Variants in RGS6 observed in about 807,000 individuals in gnomAD.
RGS6 encodes the protein regulator of G-protein signaling 6.
A neutral mutation model predicts 78.5 loss-of-function variants in RGS6; 30 were observed. The ratio of observed to expected loss-of-function variants is 0.38; its 90% CI spans 0.29 to 0.52. The LOEUF (loss-of-function observed/expected upper bound fraction) is 0.52, where lower values mean the gene tolerates loss of function less well. Among genes scored for constraint, RGS6 ranks in the 20% least tolerant of loss-of-function variants. RGS6 has a pLI of 0.85. For synonymous variants in RGS6, 206 were observed against 206.0 expected (o/e 1.00, Z 0.00); for missense variants, 495 against 609.7 (o/e 0.81, Z 1.98).
At chr14:72,254,415 T>C (rs1435860539) in intron 2 of RGS6, among the ~76,000 whole-genome samples, 3 of 152,136 alleles carry the variant, frequency 2.0e-5, no homozygotes, top group Admixed American at 2.0e-4. Context: ...CTCAGACCTG[T>C]AGCTTCCTTT....
the RGS6 span, among the ~76,000 whole-genome samples, chr14:72,591,367 G>A: frequency 4.6e-5 from 7 of 152,114 alleles, no homozygotes; most frequent in African/African-American, 1.7e-4. Flanking sequence ...TTATCCCAGA[G>A]GTGGAATTAT....
chr14:72,427,604 G>A (rs2094480202), intron 3 of RGS6, among the ~76,000 whole-genome samples: 1 of 152,196 alleles, frequency 6.6e-6, no homozygotes, highest in South Asian at 2.1e-4. Context: ...TTAGGTGGCA[G>A]GGATGGAGGA....
chr14:72,034,338 T>C (rs2091363064), intron 2 of RGS6, among the ~76,000 whole-genome samples: 2 of 152,102 alleles, frequency 1.3e-5, no homozygotes, highest in African/African-American at 4.8e-5. Flanking sequence ...CTTGAGGTAA[T>C]TTCTTTCTAT....
At chr14:72,238,910 G>C (rs1391571763) in intron 2 of RGS6, among the ~76,000 whole-genome samples, 2 of 152,188 alleles carry the variant, frequency 1.3e-5, no homozygotes, top group African/African-American at 4.8e-5. Context: ...AGGCAGCCCG[G>C]TTGTTACCAG....
intron 1 of RGS6, among the ~76,000 whole-genome samples, chr14:71,934,619 AATT>A (rs1250881855): frequency 6.6e-6 from 1 of 152,194 alleles, no homozygotes; most frequent in African/African-American, 2.4e-5. Context: ...AGTCCATTTT[AATT>A]ATTTATTTAT....
At chr14:71,979,574 T>C (rs2153111147) in intron 2 of RGS6, among the ~76,000 whole-genome samples, 1 of 152,250 alleles carries the variant, frequency 6.6e-6, no homozygotes, top group South Asian at 2.1e-4. Context: ...TTGAGTGGAT[T>C]TGAGTGAGAT....
At chr14:71,878,464 G>T in the RGS6 span, among the ~76,000 whole-genome samples, 4 of 152,158 alleles carry the variant, frequency 2.6e-5, no homozygotes, top group African/African-American at 4.8e-5. Flanking sequence ...AGGCTCCATG[G>T]GCGTGGGACC....
intron 5 of RGS6, among the ~76,000 whole-genome samples, chr14:72,459,359 G>C (rs536399292): frequency 6.6e-6 from 1 of 152,330 alleles, no homozygotes; most frequent in South Asian, 2.1e-4. Flanking sequence ...TTTGTACTTA[G>C]ACCTCTATTG....
intron 2 of RGS6, among the ~76,000 whole-genome samples, chr14:72,199,530 A>G (rs114152079): frequency 7.0e-4 from 106 of 152,302 alleles, no homozygotes; most frequent in African/African-American, 2.5e-3. Flanking sequence ...TAGCACTTGC[A>G]TTTAAGTTAT....
At chr14:72,580,691 C>T in the RGS6 span, among the ~76,000 whole-genome samples, 1 of 152,222 alleles carries the variant, frequency 6.6e-6, no homozygotes, top group African/African-American at 2.4e-5. Flanking sequence ...TTTGAAATTG[C>T]TTTTCAGAGA....
chr14:72,489,397 T>G (rs2096546354), intron 12 of RGS6, among the ~76,000 whole-genome samples: 1 of 152,200 alleles, frequency 6.6e-6, no homozygotes, highest in Admixed American at 6.5e-5. Flanking sequence ...TCCAGCTTGC[T>G]CTCTCACATT....
At chr14:72,218,238 AT>A (rs991053243) in intron 2 of RGS6, among the ~76,000 whole-genome samples, 3 of 152,124 alleles carry the variant, frequency 2.0e-5, no homozygotes, top group Non-Finnish European at 4.4e-5. Context: ...TTCATTTTAA[AT>A]TCTATTAGTA....
intron 2 of RGS6, among the ~76,000 whole-genome samples, chr14:72,321,235 A>G (rs2071914390): frequency 3.3e-5 from 5 of 151,980 alleles, no homozygotes; most frequent in Admixed American, 3.3e-4. Flanking sequence ...ACCATAATAC[A>G]AACCTGCCCA....
chr14:72,459,270 G>C (rs111686579), intron 5 of RGS6, among the ~76,000 whole-genome samples: 6 of 152,204 alleles, frequency 3.9e-5, no homozygotes, highest in African/African-American at 1.4e-4. Flanking sequence ...AAGGGTGTGG[G>C]AGAAGAGTTC....
At chr14:72,336,226 T>C (rs1303027402) in intron 2 of RGS6, among the ~76,000 whole-genome samples, 2 of 152,240 alleles carry the variant, frequency 1.3e-5, no homozygotes, top group Admixed American at 1.3e-4. Context: ...CCTTACTTTA[T>C]GTCATCTTAA....
At chr14:72,613,266 C>T in the RGS6 span, among the ~76,000 whole-genome samples, 1 of 152,170 alleles carries the variant, frequency 6.6e-6, no homozygotes, top group Non-Finnish European at 1.5e-5. Flanking sequence ...ACCTGCCCTC[C>T]CGTCCCCACC....
In RGS6 at chr14:72,562,076, T is replaced by C. The variant is rs116184243; in HGVS notation, c.1423-341T>C. 5.0e-3 allele frequency among the ~76,000 whole-genome samples: 763 copies of C among 152,280 alleles called. 6 individuals are homozygous for C. Among genetic ancestry groups the C allele is most frequent in the African/African-American group, 0.017 (708 of 41,544 alleles). ...CTCCCCCACGTGAACAAAATCAATT[T>C]CAGGGCAGCCCGCCGGCATTAAAAA... On this transcript the variant is annotated intron_variant, in intron 17 of 17. Transcript: ENST00000553525.
the RGS6 span, among the ~76,000 whole-genome samples, chr14:72,597,702 A>T: frequency 6.6e-6 from 1 of 152,284 alleles, no homozygotes; most frequent in Admixed American, 6.5e-5. Context: ...CATCTCAAAC[A>T]TTCATCATTT....
Position 72,562,814 on chromosome 14 carries a change from A to G in RGS6, c.*347A>G, listed in dbSNP as rs192961727. The G allele has an allele frequency of 1.4e-6, 2 of 1,410,920 alleles. No individual in the cohort carries two copies. Among genetic ancestry groups the G allele is most frequent in the African/African-American group, 1.4e-5 (1 of 70,448 alleles). The allele number at this position is 1,410,920 out of a possible 1,614,324, so 87.4% of individuals were successfully genotyped here. ...TGTCACGACTATCACTTGAGATTAT[A>G]TTATTATCCTCACTCCCTCGCTGTC... On this transcript the variant is annotated 3_prime_UTR_variant, in exon 18 of 18. Transcript: ENST00000553525.
Sources: gnomAD v4.1 joint callset for allele counts (sites outside exome capture counted in the v4.1 genomes callset) on GRCh38, gnomAD v4.1.1 for gene constraint, MANE v1.5 for transcripts, NCBI Gene and HGNC (gene_info 2026-07-23, HGNC 2026-07-21) for gene names.